ANKRD30B: variants seen among roughly 807,000 people sequenced by gnomAD.
ANKRD30B encodes the protein ankyrin repeat domain-containing protein 30B.
A neutral mutation model predicts 202.2 loss-of-function variants in ANKRD30B; 144 were observed. That is an observed-to-expected ratio of 0.71 (90% CI 0.62 to 0.82). The LOEUF is 0.82. Ranked by LOEUF, ANKRD30B falls within the 40% of genes least tolerant of loss-of-function variation. The pLI is 0.00. For synonymous variants in ANKRD30B, 508 were observed against 561.3 expected, an observed-to-expected ratio of 0.91 and a Z score of 1.34; for missense variants, 1,487 against 1,669.1, an observed-to-expected ratio of 0.89 and a Z score of 1.90.
chr18:14,766,071 A>C (rs1032756694), intron 7 of ANKRD30B, among the ~76,000 whole-genome samples: 3 of 152,198 alleles, frequency 2.0e-5, no homozygotes, highest in African/African-American at 7.2e-5. Flanking sequence ...AGGTACAGTT[A>C]ATATGGTTTA....
chr18:14,808,131 A>G lies in ANKRD30B; in HGVS notation c.2285-420A>G, dbSNP rs1311282141. Among the ~76,000 whole-genome samples, 7 of 150,604 alleles carry G rather than the reference A, an allele frequency of 4.6e-5. 1 individual carries two copies. Among genetic ancestry groups the G allele is most frequent in the Admixed American group, 3.3e-4 (5 of 15,162 alleles). On this transcript the variant is annotated intron_variant, in intron 24 of 43. Coordinates refer to ENST00000690538, the MANE Select transcript of ANKRD30B (RefSeq NM_001367607.2). ...TACTTGCAGTATATTGACATAAGAG[A>G]TTCTGATGTGTTTCCTTAACAATAT...
chr18:14,892,742 CAAAAAAAAAAAAAA>C, the ANKRD30B span, among the ~76,000 whole-genome samples: 1 of 72,902 alleles, frequency 1.4e-5, no homozygotes, highest in Non-Finnish European at 2.3e-5. Flanking sequence ...TCTGTTTCAC[CAAAAAAAAAAAAAA>C]AAAAAAAAAA....
the ANKRD30B span, among the ~76,000 whole-genome samples, chr18:14,937,718 G>T: frequency 1.3e-5 from 2 of 152,180 alleles, no homozygotes; most frequent in African/African-American, 4.8e-5. Context: ...TGCTTTTGTT[G>T]CTCCGTTCTT....
intron 39 of ANKRD30B, among the ~76,000 whole-genome samples, chr18:14,846,898 T>C (rs1296847647): frequency 6.6e-6 from 1 of 151,660 alleles, no homozygotes; most frequent in East Asian, 1.9e-4. Context: ...CAGAGGTTTT[T>C]AGACCAGTTT....
chr18:14,758,147 G>A (rs2143684775), intron 5 of ANKRD30B, among the ~76,000 whole-genome samples, 195 bp downstream of exon 5: 1 of 152,258 alleles, frequency 6.6e-6, no homozygotes, highest in South Asian at 2.1e-4. Flanking sequence ...AATGTTGACT[G>A]CTTGATTTGA....
chr18:14,906,445 TTAAA>T, the ANKRD30B span, among the ~76,000 whole-genome samples: 14 of 152,326 alleles, frequency 9.2e-5, no homozygotes, highest in East Asian at 2.5e-3. Flanking sequence ...TATTATTTTA[TTAAA>T]TAAATTATGA....
rs560233569 is a variant in ANKRD30B at position 14,796,697 on chromosome 18, G to A, written c.1927+282G>A. 1.1e-3 allele frequency among the ~76,000 whole-genome samples: 164 copies of A among 151,282 alleles called. 1 individual carries two copies. Among genetic ancestry groups the A allele is most frequent in the African/African-American group, 3.9e-3 (160 of 41,288 alleles). ...GTTCCCAGGTGGATCGGCAGGTTGA[G>A]ACATAATAGACACAGACAAGATAGT... On this transcript the variant is annotated intron_variant, in intron 18 of 43. Transcript: ENST00000690538.
chr18:14,931,619 G>A, the ANKRD30B span, among the ~76,000 whole-genome samples: 1 of 152,170 alleles, frequency 6.6e-6, no homozygotes, highest in Admixed American at 6.5e-5. Context: ...GAGGCTCCAG[G>A]AAGGGCCTCA....
the ANKRD30B span, among the ~76,000 whole-genome samples, chr18:14,898,626 C>CT: frequency 6.6e-6 from 1 of 152,014 alleles, no homozygotes; most frequent in African/African-American, 2.4e-5. Flanking sequence ...CATTCGATTC[C>CT]TTTTTTACTG....
chr18:14,795,853 A>C (rs1198279697), intron 16 of ANKRD30B, among the ~76,000 whole-genome samples: 4 of 139,382 alleles, frequency 2.9e-5, no homozygotes, highest in African/African-American at 5.2e-5. Flanking sequence ...CCTAGGACTT[A>C]TTTTTTTTTT....
intron 16 of ANKRD30B, among the ~76,000 whole-genome samples, chr18:14,794,169 C>A (rs1029112882): frequency 6.6e-6 from 1 of 152,074 alleles, no homozygotes; most frequent in Admixed American, 6.6e-5. Context: ...CTCCAGTGTA[C>A]CCCTTTATAA....
At chr18:14,783,635 A>C (rs1383373967) in intron 12 of ANKRD30B, among the ~76,000 whole-genome samples, 2 of 152,146 alleles carry the variant, frequency 1.3e-5, no homozygotes, top group Non-Finnish European at 2.9e-5. Flanking sequence ...TGGTGACTTA[A>C]CAATATAAAA....
At chr18:14,922,654 C>CAAAAA in the ANKRD30B span, among the ~76,000 whole-genome samples, 8 of 104,826 alleles carry the variant, frequency 7.6e-5, no homozygotes, top group East Asian at 5.7e-4. Context: ...GACTCCGTCT[C>CAAAAA]AAAAAAAAAA....
chr18:14,905,597 T>C, the ANKRD30B span: 1 of 152,176 alleles, frequency 6.6e-6, no homozygotes, highest in African/African-American at 2.4e-5. Flanking sequence ...GGTCAATGTC[T>C]CTTTTCAGAT....
At chr18:14,823,568 G>A (rs890383267) in intron 32 of ANKRD30B, among the ~76,000 whole-genome samples, 1 of 151,944 alleles carries the variant, frequency 6.6e-6, no homozygotes, top group South Asian at 2.1e-4. Flanking sequence ...TTTTAGAAGC[G>A]TGACTCTAAA....
At chr18:14,788,786 G>A (rs1346672828) in intron 15 of ANKRD30B, among the ~76,000 whole-genome samples, 10 of 151,940 alleles carry the variant, frequency 6.6e-5, no homozygotes, top group African/African-American at 2.2e-4. Context: ...TCTTAATCCA[G>A]TCTATCATTG....
the ANKRD30B span, among the ~76,000 whole-genome samples, chr18:14,935,245 C>A: frequency 2.0e-5 from 3 of 152,188 alleles, no homozygotes; most frequent in Non-Finnish European, 2.9e-5. Context: ...GCAGCCATGG[C>A]TTCCTGTGCT....
intron 18 of ANKRD30B, 144 bp downstream of exon 18, chr18:14,796,559 T>A: frequency 8.6e-7 from 1 of 1,160,358 alleles, no homozygotes; most frequent in Non-Finnish European, 1.2e-6. Flanking sequence ...TTAGCATTTA[T>A]GTTTGAGAAA....
intron 15 of ANKRD30B, 82 bp downstream of exon 15, chr18:14,787,182 T>C: frequency 7.8e-7 from 1 of 1,287,846 alleles, no homozygotes; most frequent in Non-Finnish European, 1.1e-6. Context: ...CTTTATTTTC[T>C]CACCTCTGCA....
Sources: gnomAD v4.1 joint callset for allele counts (sites outside exome capture counted in the v4.1 genomes callset) on GRCh38, gnomAD v4.1.1 for gene constraint, MANE v1.5 for transcripts, NCBI Gene and HGNC (gene_info 2026-07-23, HGNC 2026-07-21) for gene names.